Variants in CHD1 observed in about 807,000 individuals in gnomAD.
CHD1 encodes ATP-dependent chromatin remodeler CHD1.
Under a neutral mutation model 224.2 loss-of-function variants are expected in CHD1, and 36 were observed. That is an observed-to-expected ratio of 0.16 (90% CI 0.12 to 0.21). The LOEUF is 0.21. Ranked by LOEUF, CHD1 falls within the 10% of genes least tolerant of loss-of-function variation. The pLI is 1.00. For synonymous variants in CHD1, 668 were observed against 658.3 expected, an observed-to-expected ratio of 1.01 and a Z score of -0.23; for missense variants, 1,378 against 1,994.8, an observed-to-expected ratio of 0.69 and a Z score of 5.89.
Position 98,868,924 on chromosome 5 carries a change from C to T in CHD1, c.4108-289G>A, listed in dbSNP as rs534695957. 9.7e-5 allele frequency: 58 copies of T among 598,036 alleles called. No homozygotes were observed. The African/African-American group carries it at 1.0e-3, about 11-fold the overall frequency. 37.0% of individuals were successfully genotyped at this position (598,036 alleles called of 1,614,324 possible). On this transcript the variant is annotated intron_variant, in intron 30 of 35. Transcript: ENST00000614616. Reference sequence around the variant, plus strand: ...CTTCTGAAGAACTCAGTTATTGAGACTAATAAGGGCTGATATGCAATTTAG... The same window carrying T: ...CTTCTGAAGAACTCAGTTATTGAGATTAATAAGGGCTGATATGCAATTTAG...
chr5:98,896,897 C>G (rs943747371), intron 11 of CHD1, among the ~76,000 whole-genome samples: 1 of 150,424 alleles, frequency 6.6e-6, no homozygotes, highest in African/African-American at 2.4e-5. Context: ...ATTAAAATAA[C>G]TAGGAAAAAG....
intron 17 of CHD1, 21 bp downstream of exon 17, chr5:98,888,067 C>T: frequency 6.7e-7 from 1 of 1,483,010 alleles, no homozygotes; most frequent in Non-Finnish European, 9.2e-7. Flanking sequence ...TTTAAAACAA[C>T]AAATACAATT....
rs369338956 is a variant in CHD1 at position 98,863,509 on chromosome 5, T to A, written c.4326A>T (p.Glu1442Asp). The A allele has an allele frequency of 6.2e-7, 1 of 1,610,676 alleles. No homozygotes were observed. The highest frequency in any genetic ancestry group is 8.5e-7 in the Non-Finnish European group (1 of 1,178,412). Residue 1442 changes from glutamate (E) to aspartate (D), a missense_variant, in exon 32 of 36, where the codon GAA becomes GAT. Transcript: ENST00000614616. ...AACATTGTCTAGTATGCTCTAGTTG[T>A]TCTCTTTCTGAAAGGCCTTTCTCAG... ...DRPEKGLSER[E>D]QLEHTRQCLI...
chr5:98,919,749 A>G (rs1752968392), intron 2 of CHD1, among the ~76,000 whole-genome samples: 1 of 152,232 alleles, frequency 6.6e-6, no homozygotes, highest in African/African-American at 2.4e-5. Flanking sequence ...ATATGTATAC[A>G]GACGTAAGGA....
chr5:98,907,704 T>C (rs1262079003), intron 2 of CHD1, among the ~76,000 whole-genome samples: 4 of 152,062 alleles, frequency 2.6e-5, no homozygotes, highest in Non-Finnish European at 5.9e-5. Flanking sequence ...AATGTTTCTT[T>C]TGCATAAGAA....
intron 17 of CHD1, among the ~76,000 whole-genome samples, chr5:98,886,529 C>T (rs1259639566): frequency 6.6e-6 from 1 of 152,132 alleles, no homozygotes; most frequent in Non-Finnish European, 1.5e-5. Context: ...CTAGAAATAA[C>T]TTGTCTACTA....
intron 3 of CHD1, among the ~76,000 whole-genome samples, chr5:98,904,243 C>T (rs72775625): frequency 1.8e-4 from 28 of 152,226 alleles, no homozygotes; most frequent in East Asian, 5.8e-4. Flanking sequence ...TATACGTCAA[C>T]GATGTCACTA....
chr5:98,894,510 A>G, intron 13 of CHD1, 87 bp downstream of exon 13: 1 of 462,052 alleles, frequency 2.2e-6, no homozygotes, highest in Non-Finnish European at 4.0e-6. Context: ...CTCACGATTT[A>G]GGCTATTCTC....
chr5:98,860,038 A>C lies in CHD1; in HGVS notation c.4458T>G (p.Thr1486=), dbSNP rs1748342886. The C allele has an allele frequency of 2.6e-6, 4 of 1,563,968 alleles. No homozygotes were observed. The Admixed American group carries it at 7.4e-5, about 29-fold the overall frequency. The part of the protein sequence containing the change: ...KNLWIFVSKF[T]EFDARKLHKL... ...TATGTAATTTTCTTGCATCAAATTC[A>C]GTAAACTTAGATACAAAAATCCACA... Residue 1486 remains threonine (T), a synonymous_variant, in exon 33 of 36, where the codon ACT becomes ACG. Transcript: ENST00000614616.
intron 2 of CHD1, 103 bp downstream of exon 2, chr5:98,926,231 G>T: frequency 1.4e-6 from 1 of 697,416 alleles, no homozygotes. Flanking sequence ...TGAAAACTCT[G>T]CTACCTATGA....
chr5:98,891,096 T>TG (rs1361895985), intron 15 of CHD1, among the ~76,000 whole-genome samples: 3 of 152,132 alleles, frequency 2.0e-5, no homozygotes, highest in African/African-American at 7.2e-5. Flanking sequence ...TTACTTAAGA[T>TG]GGGGTCTCAC....
chr5:98,917,214 A>G (rs1752785713), intron 2 of CHD1, among the ~76,000 whole-genome samples: 1 of 151,612 alleles, frequency 6.6e-6, no homozygotes, highest in Admixed American at 6.6e-5. Context: ...CCTTACCACC[A>G]AAGTCACATC....
intron 31 of CHD1, among the ~76,000 whole-genome samples, chr5:98,867,245 C>T (rs1423881754): frequency 6.6e-6 from 1 of 152,132 alleles, no homozygotes; most frequent in East Asian, 1.9e-4. Flanking sequence ...CAGATAGTTT[C>T]TCCCTCACTT....
rs867157696 is a variant in CHD1 at position 98,912,154 on chromosome 5, G to A, written c.54-7056C>T. ...TTTCTTTATTAACATCCAAGATTGT[G>A]AAATCTTCTTTGCAGGTAGTGAAAA... On this transcript the variant is annotated intron_variant, in intron 2 of 35. Coordinates refer to ENST00000614616, the MANE Select transcript of CHD1 (RefSeq NM_001270.4). Among the ~76,000 whole-genome samples, 3 of 152,090 alleles carry A rather than the reference G, an allele frequency of 2.0e-5. No individual in the cohort carries two copies. In the South Asian group the frequency reaches 6.2e-4, roughly 31 times the overall value.
intron 2 of CHD1, among the ~76,000 whole-genome samples, chr5:98,920,253 A>C (rs1753004737): frequency 6.6e-6 from 1 of 152,212 alleles, no homozygotes; most frequent in Non-Finnish European, 1.5e-5. Context: ...AGGAGATGGA[A>C]TTTAATTCCT....
chr5:98,892,321 T>G (rs1321108469), intron 15 of CHD1, among the ~76,000 whole-genome samples: 3 of 152,332 alleles, frequency 2.0e-5, no homozygotes, highest in Non-Finnish European at 4.4e-5. Context: ...GATGAATTAC[T>G]CAGTGTTGTC....
At chr5:98,858,432 ATGTGG>A in intron 34 of CHD1, 42 bp from the exon 35 acceptor site, 1 of 1,526,830 alleles carries the variant, frequency 6.5e-7, no homozygotes, top group Admixed American at 1.8e-5. Flanking sequence ...CTTAAAAATA[ATGTGG>A]CAAAAAAAAC....
intron 2 of CHD1, among the ~76,000 whole-genome samples, chr5:98,911,146 A>AAAAATATATATATATATATAT (rs1491111295): frequency 2.6e-5 from 1 of 39,144 alleles, no homozygotes; most frequent in Non-Finnish European, 4.5e-5. Context: ...AAAAAAAAAA[A>AAAAATATATATATATATATAT]ATATATATAT....
intron 7 of CHD1, 105 bp downstream of exon 7, chr5:98,900,706 C>CA: frequency 2.1e-6 from 2 of 971,250 alleles, no homozygotes; most frequent in Non-Finnish European, 3.0e-6. Context: ...TCGGCCTCGG[C>CA]CCCCCAAAGT....
Sources: gnomAD v4.1 joint callset for allele counts (sites outside exome capture counted in the v4.1 genomes callset) on GRCh38, gnomAD v4.1.1 for gene constraint, MANE v1.5 for transcripts, NCBI Gene and HGNC (gene_info 2026-07-23, HGNC 2026-07-21) for gene names.